The following PPP3R1 variants were observed in gnomAD, a reference collection of about 807,000 sequenced individuals.
The protein encoded by PPP3R1 is protein phosphatase 3 regulatory subunit B, alpha, also known as calcineurin subunit B type 1.
A neutral mutation model predicts 22.6 loss-of-function variants in PPP3R1; 5 were observed. That is an observed-to-expected ratio of 0.22 (90% CI 0.12 to 0.46). The LOEUF (loss-of-function observed/expected upper bound fraction) is 0.46, where lower values mean the gene tolerates loss of function less well. PPP3R1 is among the 20% of genes least tolerant of loss of function. PPP3R1 has a pLI of 0.99. For synonymous variants in PPP3R1, 56 were observed against 65.2 expected (o/e 0.86, Z 0.68); for missense variants, 61 against 203.2 (o/e 0.30, Z 4.25).
intron 1 of PPP3R1, among the ~76,000 whole-genome samples, chr2:68,250,487 T>G (rs1670326886): frequency 1.3e-5 from 2 of 152,192 alleles, no homozygotes; most frequent in South Asian, 2.1e-4. Context: ...GTAAAAACAT[T>G]CCCTGCAATG....
At chr2:68,226,894 T>C (rs1669793322) in intron 1 of PPP3R1, among the ~76,000 whole-genome samples, 2 of 152,134 alleles carry the variant, frequency 1.3e-5, no homozygotes, top group African/African-American at 4.8e-5. Context: ...TTCCTTTTGA[T>C]GCTCACTTTT....
At chr2:68,215,820 T>TG (rs1005803350) in intron 2 of PPP3R1, among the ~76,000 whole-genome samples, 20 of 151,822 alleles carry the variant, frequency 1.3e-4, no homozygotes, top group African/African-American at 4.4e-4. Context: ...GGAAAGTGGG[T>TG]GGGGAAAGAG....
rs988903109 is a variant in PPP3R1 at position 68,199,212 on chromosome 2, T to G, written c.44-10522A>C. ...CTCCTGACCTCGTGATCTGCCCACCTCAGTCTCCCAAAGTGCTAGGATTAC... is the reference window on the plus strand; with the variant it reads ...CTCCTGACCTCGTGATCTGCCCACCGCAGTCTCCCAAAGTGCTAGGATTAC... On this transcript the variant is annotated intron_variant, in intron 2 of 5. Coordinates refer to ENST00000234310, the MANE Select transcript of PPP3R1 (RefSeq NM_000945.4). Among the ~76,000 whole-genome samples, 4 of 152,166 alleles carry G rather than the reference T, an allele frequency of 2.6e-5. 1 individual carries two copies. Among genetic ancestry groups the G allele is most frequent in the African/African-American group, 7.2e-5 (3 of 41,434 alleles).
intron 2 of PPP3R1, among the ~76,000 whole-genome samples, chr2:68,195,706 C>T (rs1485937861): frequency 6.6e-6 from 1 of 151,998 alleles, no homozygotes; most frequent in Admixed American, 6.6e-5. Flanking sequence ...AATACAAAAC[C>T]AAAACCAGTG....
chr2:68,242,434 AAAAAG>A (rs1178844335), intron 1 of PPP3R1, among the ~76,000 whole-genome samples: 3 of 152,148 alleles, frequency 2.0e-5, no homozygotes, highest in Admixed American at 6.5e-5. Flanking sequence ...TAAAAAAAAA[AAAAAG>A]AAAAGAAAAA....
At chr2:68,208,419 A>C (rs533085571) in intron 2 of PPP3R1, among the ~76,000 whole-genome samples, 24 of 152,310 alleles carry the variant, frequency 1.6e-4, no homozygotes, top group African/African-American at 5.8e-4. Context: ...CAACTCTGCC[A>C]CTGCAGCACA....
At chr2:68,186,804 T>C (rs1401469575) in intron 4 of PPP3R1, among the ~76,000 whole-genome samples, 152 bp from the exon 5 acceptor site, 3 of 152,252 alleles carry the variant, frequency 2.0e-5, no homozygotes, top group Non-Finnish European at 4.4e-5. Flanking sequence ...AGGCACAGTT[T>C]AACATAGTTG....
intron 2 of PPP3R1, among the ~76,000 whole-genome samples, chr2:68,190,255 TAAAAAAAAAAAA>T (rs34117344): frequency 0.037 from 941 of 25,148 alleles, 10 homozygotes; most frequent in Non-Finnish European, 0.058. Context: ...AAGTTTCTCT[TAAAAAAAAAAAA>T]AAAAAAAAAA....
In PPP3R1 at chr2:68,241,795, G is replaced by C. The variant is rs552794299; in HGVS notation, c.3+10330C>G. Among the ~76,000 whole-genome samples the C allele has an allele frequency of 5.5e-5, 8 of 145,928 alleles. No individual in the cohort carries two copies. The South Asian group carries it at 1.7e-3, about 31-fold the overall frequency. On this transcript the variant is annotated intron_variant, in intron 1 of 5. Transcript: ENST00000234310. ...GAAGGTGGAGGTTGCAGTGAACCGAGATTGCACCACTGTACTCCAGCCTGG... is the reference window on the plus strand; with the variant it reads ...GAAGGTGGAGGTTGCAGTGAACCGACATTGCACCACTGTACTCCAGCCTGG...
rs377486536 is a variant in PPP3R1, at chr2:68,211,529, G to A, written c.43+5563C>T. Among the ~76,000 whole-genome samples, 97 of 152,044 alleles carry A rather than the reference G, an allele frequency of 6.4e-4. 4 individuals carry two copies. In the South Asian group the frequency reaches 0.019, roughly 29 times the overall value. On this transcript the variant is annotated intron_variant, in intron 2 of 5. Transcript: ENST00000234310. ...CAATGTTGATGGCCACGGACTGATC[G>A]GGGTGGCTGTGACAATTTCTTAAAA...
chr2:68,220,833 C>G (rs1024174185), intron 1 of PPP3R1, among the ~76,000 whole-genome samples: 1 of 152,082 alleles, frequency 6.6e-6, no homozygotes, highest in African/African-American at 2.4e-5. Context: ...AATGTAGAGA[C>G]TGGTGGGTGC....
chr2:68,223,931 A>T (rs1669734898), intron 1 of PPP3R1, among the ~76,000 whole-genome samples: 1 of 152,210 alleles, frequency 6.6e-6, no homozygotes, highest in South Asian at 2.1e-4. Context: ...AAAACTAATA[A>T]ATGAATTAAG....
chr2:68,188,452 G>A, intron 3 of PPP3R1, 62 bp downstream of exon 3: 3 of 1,229,966 alleles, frequency 2.4e-6, no homozygotes, highest in African/African-American at 1.6e-5. Context: ...TTTTTACACA[G>A]AGCTGTAAGA....
At position 68,203,984 on chromosome 2, in the gene PPP3R1, T is replaced by C. The variant is rs569160952; in HGVS notation, c.43+13108A>G. On this transcript the variant is annotated intron_variant, in intron 2 of 5. Transcript: ENST00000234310. ...TTTAATCTTTCACCTACATTTAGTC[T>C]ACAAAACAGCCCTTGTGTTTACTAA... Among the ~76,000 whole-genome samples the C allele has an allele frequency of 9.8e-5, 15 of 152,320 alleles. No individual in the cohort carries two copies. The South Asian group carries it at 3.1e-3, about 32-fold the overall frequency.
At chr2:68,200,894 T>C (rs898335323) in intron 2 of PPP3R1, among the ~76,000 whole-genome samples, 1 of 152,216 alleles carries the variant, frequency 6.6e-6, no homozygotes, top group Admixed American at 6.5e-5. Flanking sequence ...TTTTCTCCTT[T>C]TGGTTTATCC....
intron 2 of PPP3R1, among the ~76,000 whole-genome samples, chr2:68,215,391 T>A (rs529195662): frequency 3.9e-5 from 6 of 152,268 alleles, no homozygotes; most frequent in Middle Eastern, 6.8e-3. Flanking sequence ...ATACTCAACC[T>A]GTATTCCCTG....
At chr2:68,208,289 T>C (rs1252297665) in intron 2 of PPP3R1, among the ~76,000 whole-genome samples, 1 of 152,184 alleles carries the variant, frequency 6.6e-6, no homozygotes, top group Non-Finnish European at 1.5e-5. Context: ...ACTCAAATAA[T>C]AGTTCTCAAC....
chr2:68,232,901 C>G (rs965756372), intron 1 of PPP3R1, among the ~76,000 whole-genome samples: 5 of 152,166 alleles, frequency 3.3e-5, no homozygotes, highest in African/African-American at 1.2e-4. Flanking sequence ...GCCACCACAC[C>G]TGGTCTCTAT....
intron 2 of PPP3R1, 51 bp downstream of exon 2, chr2:68,217,041 G>GC: frequency 4.6e-6 from 5 of 1,092,262 alleles, no homozygotes; most frequent in Non-Finnish European, 5.2e-6. Context: ...CACACACACA[G>GC]AGAGAGATGA....
Sources: allele counts gnomAD v4.1 joint callset (sites outside exome capture counted in the v4.1 genomes callset), GRCh38; gene constraint gnomAD v4.1.1; transcripts MANE v1.5; gene names NCBI Gene and HGNC (gene_info 2026-07-23, HGNC 2026-07-21).